Variants in FMN1 observed in about 807,000 individuals in gnomAD.
The protein encoded by FMN1 is formin-1.
In FMN1, 110 loss-of-function variants were observed where a neutral mutation model predicts 132.4. The ratio of observed to expected loss-of-function variants is 0.83; its 90% CI spans 0.71 to 0.97. The LOEUF is 0.97. Ranked by LOEUF, FMN1 falls within the 50% of genes least tolerant of loss-of-function variation. The probability of loss-of-function intolerance (pLI) is 0.00; values close to 1 mark genes in which losing one functional copy is unlikely to be tolerated. For missense variants in FMN1, 1,792 were observed against 1,705.3 expected, an observed-to-expected ratio of 1.05 and a Z score of -0.90; for synonymous variants, 722 against 651.7, an observed-to-expected ratio of 1.11 and a Z score of -1.64.
At chr15:33,119,515 C>T (rs1239270006) in intron 4 of FMN1, among the ~76,000 whole-genome samples, 1 of 152,178 alleles carries the variant, frequency 6.6e-6, no homozygotes, top group Non-Finnish European at 1.5e-5. Flanking sequence ...ACCGTCCGTA[C>T]GCTCAGTGGG....
At position 32,968,734 on chromosome 15, in the gene FMN1, C is replaced by A. The variant is rs1352810122; in HGVS notation, c.2967G>T (p.Arg989Ser). ...SCPMKPLYWT[R>S]IQISDRSQNA... ...CTTACCTCCTATCACTTATTTGTAT[C>A]CTAGTCCAATATAAAGGCTTCATGG... The change falls in exon 8 of 21, where the codon AGG becomes AGT. Residue 989 changes from arginine to serine, a missense_variant. By Grantham distance (110) the Arg-to-Ser change is moderately radical. Coordinates refer to ENST00000616417, the MANE Select transcript of FMN1 (RefSeq NM_001277313.2). The A allele has an allele frequency of 2.5e-6, 4 of 1,613,490 alleles. No homozygotes were observed. Among genetic ancestry groups the A allele is most frequent in the Non-Finnish European group, 3.4e-6 (4 of 1,179,706 alleles).
chr15:33,114,609 G>C (rs1197607504), intron 4 of FMN1, among the ~76,000 whole-genome samples: 1 of 152,030 alleles, frequency 6.6e-6, no homozygotes, highest in African/African-American at 2.4e-5. Flanking sequence ...CATGACAAAA[G>C]CACTTAGGAT....
chr15:32,913,443 G>A (rs763929432), intron 10 of FMN1, among the ~76,000 whole-genome samples: 9 of 152,004 alleles, frequency 5.9e-5, no homozygotes, highest in Non-Finnish European at 1.0e-4. Context: ...CTCATTCCCT[G>A]CCTCGCCTCA....
intron 7 of FMN1, among the ~76,000 whole-genome samples, chr15:32,995,920 A>G (rs1166153200): frequency 6.6e-6 from 1 of 152,256 alleles, no homozygotes; most frequent in Non-Finnish European, 1.5e-5. Flanking sequence ...CTTTTATAAC[A>G]TATGAAAAGC....
At chr15:32,998,234 C>A (rs900315312) in intron 7 of FMN1, among the ~76,000 whole-genome samples, 4 of 152,202 alleles carry the variant, frequency 2.6e-5, no homozygotes, top group African/African-American at 9.6e-5. Flanking sequence ...AATGCTACCC[C>A]CCAAATAGCC....
At chr15:33,165,271 T>C (rs1332408409) in intron 3 of FMN1, among the ~76,000 whole-genome samples, 1 of 152,232 alleles carries the variant, frequency 6.6e-6, no homozygotes, top group Admixed American at 6.5e-5. Context: ...TTTGCTTTTA[T>C]GAGAACTTTA....
intron 16 of FMN1, among the ~76,000 whole-genome samples, chr15:32,862,451 G>A (rs1339752323): frequency 6.6e-6 from 1 of 152,202 alleles, no homozygotes; most frequent in Non-Finnish European, 1.5e-5. Flanking sequence ...AATACATAGT[G>A]AAATAACTGA....
At chr15:33,152,800 A>AAAAAAAG (rs1333581285) in intron 4 of FMN1, among the ~76,000 whole-genome samples, 2 of 151,114 alleles carry the variant, frequency 1.3e-5, no homozygotes, top group South Asian at 2.1e-4. Flanking sequence ...AAAAAAAAAA[A>AAAAAAAG]AAAGAAAGAA....
chr15:33,082,690 T>C (rs2038530454), intron 5 of FMN1, among the ~76,000 whole-genome samples: 2 of 152,130 alleles, frequency 1.3e-5, no homozygotes, highest in African/African-American at 2.4e-5. Context: ...CCTAGTTCAG[T>C]GGAACATAAA....
chr15:32,872,723 G>A (rs1347349604), intron 16 of FMN1, among the ~76,000 whole-genome samples: 2 of 152,182 alleles, frequency 1.3e-5, no homozygotes, highest in African/African-American at 2.4e-5. Flanking sequence ...AGATACACAA[G>A]GCCTATTAGT....
At chr15:32,997,514 T>C (rs2033845315) in intron 7 of FMN1, among the ~76,000 whole-genome samples, 2 of 152,164 alleles carry the variant, frequency 1.3e-5, no homozygotes, top group Admixed American at 6.5e-5. Flanking sequence ...TGACCAGCTG[T>C]GAAAGCTCAG....
intron 5 of FMN1, among the ~76,000 whole-genome samples, chr15:33,082,014 T>C (rs1438324581): frequency 7.3e-6 from 1 of 137,268 alleles, no homozygotes; most frequent in Non-Finnish European, 1.5e-5. Flanking sequence ...ACAAGAAGAG[T>C]TCAGGGGTGT....
chr15:33,074,610 C>CT (rs1397759616), intron 5 of FMN1, among the ~76,000 whole-genome samples: 2 of 152,094 alleles, frequency 1.3e-5, no homozygotes, highest in African/African-American at 4.8e-5. Flanking sequence ...CTAGAAGAAT[C>CT]TAAAAGGAAA....
At chr15:32,822,172 A>G (rs2058235492) in intron 17 of FMN1, among the ~76,000 whole-genome samples, 1 of 152,068 alleles carries the variant, frequency 6.6e-6, no homozygotes, top group Non-Finnish European at 1.5e-5. Flanking sequence ...AACATGGTGA[A>G]ACCCCGCCTC....
intron 7 of FMN1, among the ~76,000 whole-genome samples, chr15:33,002,769 T>C (rs1210086400): frequency 1.3e-5 from 2 of 152,210 alleles, no homozygotes; most frequent in Non-Finnish European, 2.9e-5. Flanking sequence ...TATTTATTCC[T>C]AGTTCAATCT....
chr15:32,828,482 T>C (rs2058424472), intron 17 of FMN1, among the ~76,000 whole-genome samples: 1 of 151,886 alleles, frequency 6.6e-6, no homozygotes, highest in Admixed American at 6.6e-5. Flanking sequence ...AATGTGATTT[T>C]GTAATTCTTT....
At chr15:33,078,611 G>C (rs1040595496) in intron 5 of FMN1, among the ~76,000 whole-genome samples, 3 of 149,948 alleles carry the variant, frequency 2.0e-5, no homozygotes, top group Non-Finnish European at 4.4e-5. Context: ...AATTGGAATT[G>C]CTTAACTAAA....
intron 8 of FMN1, 72 bp from the exon 9 acceptor site, chr15:32,964,329 TC>T: frequency 1.9e-6 from 2 of 1,058,118 alleles, no homozygotes; most frequent in Non-Finnish European, 2.7e-6. Flanking sequence ...GAAATCTTTC[TC>T]TAATCCATTT....
chr15:33,005,625 A>G (rs1351050556), intron 7 of FMN1, among the ~76,000 whole-genome samples: 3 of 151,350 alleles, frequency 2.0e-5, no homozygotes, highest in Non-Finnish European at 4.4e-5. Flanking sequence ...AACTGTAAGC[A>G]TCTTCTGTTA....
Sources: allele counts gnomAD v4.1 joint callset (sites outside exome capture counted in the v4.1 genomes callset), GRCh38; gene constraint gnomAD v4.1.1; transcripts MANE v1.5; gene names NCBI Gene and HGNC (gene_info 2026-07-23, HGNC 2026-07-21).